BOLL: variants seen among roughly 807,000 people sequenced by gnomAD.
BOLL encodes the protein protein boule-like.
In BOLL, 23 loss-of-function variants were observed where a neutral mutation model predicts 44.4. The ratio of observed to expected loss-of-function variants is 0.52; its 90% confidence interval spans 0.37 to 0.73. The LOEUF (loss-of-function observed/expected upper bound fraction) is 0.73, where lower values mean the gene tolerates loss of function less well. BOLL is among the 30% of genes least tolerant of loss of function. The pLI, the probability that BOLL is intolerant of heterozygous loss-of-function variation, is 0.00. For synonymous variants in BOLL, 97 were observed against 110.8 expected (o/e 0.88, Z 0.78); for missense variants, 287 against 338.3 (o/e 0.85, Z 1.19).
At chr2:197,751,156 A>T (rs925507728) in intron 9 of BOLL, among the ~76,000 whole-genome samples, 5 of 152,204 alleles carry the variant, frequency 3.3e-5, no homozygotes, top group Non-Finnish European at 5.9e-5. Context: ...CACTGTTTAG[A>T]GAGAAATTTA....
chr2:197,747,400 G>A (rs1688035793), intron 9 of BOLL, among the ~76,000 whole-genome samples: 1 of 151,740 alleles, frequency 6.6e-6, no homozygotes, highest in Non-Finnish European at 1.5e-5. Context: ...TGGCTAACAC[G>A]GTGAAACCCC....
intron 10 of BOLL, among the ~76,000 whole-genome samples, chr2:197,731,061 G>C (rs1194265094): frequency 6.6e-6 from 1 of 152,020 alleles, no homozygotes; most frequent in Non-Finnish European, 1.5e-5. Flanking sequence ...GCTGTATTCA[G>C]GAAACCCACC....
chr2:197,785,984 G>A (rs753654719), upstream of BOLL: 10 of 1,609,548 alleles, frequency 6.2e-6, no homozygotes, highest in East Asian at 8.9e-5. The surrounding 1 kb of genome is among the most constrained non-coding windows in gnomAD (Gnocchi z 6.7). Context: ...CGTACTCACC[G>A]GCCCGGACTC....
intron 4 of BOLL, among the ~76,000 whole-genome samples, chr2:197,776,369 C>G (rs1465933516): frequency 6.6e-6 from 1 of 151,778 alleles, no homozygotes; most frequent in African/African-American, 2.4e-5. Flanking sequence ...GTTAATGAAC[C>G]AGTAATCTGT....
rs745623797 is a variant in BOLL, at chr2:197,781,759, A to G, written c.92T>C (p.Ile31Thr). ...PTSAPRYGTV[I>T]PNRIFVGGID... ...TCCTCCTACAAAGATGCGATTAGGG[A>G]TCACTGTTCCATATCTTGGGGCACT... The change falls in exon 2 of 11, where the codon ATC becomes ACC. Residue 31 changes from isoleucine (I) to threonine (T), a missense_variant. Ile to Thr is a moderately conservative substitution (Grantham distance 89, BLOSUM62 -1). Transcript: ENST00000392296. 6.3e-7 allele frequency: 1 copy of G among 1,587,546 alleles called. No individual in the cohort carries two copies. The highest frequency in any genetic ancestry group is 8.6e-7 in the Non-Finnish European group (1 of 1,162,380).
In BOLL at chr2:197,777,056, T is replaced by C; in HGVS notation, c.276+3A>G. 1 of 1,569,710 alleles carries C rather than the reference T, an allele frequency of 6.4e-7. No individual in the cohort carries two copies. The highest frequency in any genetic ancestry group is 8.7e-7 in the Non-Finnish European group (1 of 1,149,512). ...TGAAGTTAAATACACCAAAAGATCA[T>C]ACCTCTTGTAAAATTTTTTGTGCAT... On this transcript the variant is annotated splice_donor_region_variant and intron_variant, in intron 4 of 10. Coordinates refer to ENST00000392296, the MANE Select transcript of BOLL (RefSeq NM_033030.6).
chr2:197,731,987 CA>C (rs1257701978), intron 10 of BOLL, among the ~76,000 whole-genome samples: 1 of 149,616 alleles, frequency 6.7e-6, no homozygotes, highest in Non-Finnish European at 1.5e-5. Context: ...AATAGAGACA[CA>C]AAAAACCCTT....
chr2:197,759,092 C>T (rs1559406711), intron 7 of BOLL: 11 of 1,041,196 alleles, frequency 1.1e-5, no homozygotes, highest in Non-Finnish European at 1.5e-5. Flanking sequence ...CCCCACCCCG[C>T]CACAAGAAAA....
At chr2:197,756,407 T>A in intron 9 of BOLL, 21 bp downstream of exon 9, 2 of 1,542,320 alleles carry the variant, frequency 1.3e-6, no homozygotes, top group South Asian at 2.5e-5. Flanking sequence ...ATAGATCAAT[T>A]ACTTTAAGAC....
At chr2:197,753,270 A>G (rs566059889) in intron 9 of BOLL, among the ~76,000 whole-genome samples, 13 of 152,258 alleles carry the variant, frequency 8.5e-5, no homozygotes, top group Admixed American at 2.0e-4. Flanking sequence ...AATGGCAACA[A>G]AAGCCAAAAT....
rs907823159 is a variant in BOLL at position 197,727,253 on chromosome 2, A to G, written c.*1302T>C. 2 of 152,330 alleles carry G rather than the reference A, an allele frequency of 1.3e-5. No homozygotes were observed. The highest frequency in any genetic ancestry group is 2.9e-5 in the Non-Finnish European group (2 of 68,030). The allele number at this position is 152,330 out of a possible 1,614,324, so 9.4% of individuals were successfully genotyped here. A position where few individuals can be genotyped will look rare whatever the true frequency, so the allele number is the denominator to read the frequency against. On this transcript the variant is annotated 3_prime_UTR_variant, in exon 11 of 11. Coordinates refer to ENST00000392296, the MANE Select transcript of BOLL (RefSeq NM_033030.6). ...CTCACCAGAAAAACCTTTGTGATCT[A>G]TATCCTACTATTTCTGCTGCTGCTG...
At chr2:197,737,490 GCTGT>G (rs1007586062) in intron 10 of BOLL, among the ~76,000 whole-genome samples, 3 of 151,908 alleles carry the variant, frequency 2.0e-5, no homozygotes, top group Non-Finnish European at 4.4e-5. Flanking sequence ...AGAATCTGAG[GCTGT>G]CTATTGTTTG....
At chr2:197,746,805 CA>C in intron 9 of BOLL, among the ~76,000 whole-genome samples, 1 of 148,982 alleles carries the variant, frequency 6.7e-6, no homozygotes, top group Middle Eastern at 3.5e-3. Context: ...GAGGCTGGGA[CA>C]GGGGGATCGC....
upstream of BOLL, chr2:197,785,905 C>T: frequency 1.6e-6 from 2 of 1,256,824 alleles, no homozygotes; most frequent in Middle Eastern, 3.8e-4. This position sits in a 1 kb window ranked among gnomAD's most constrained non-coding sequence, Gnocchi z 6.7. Context: ...CTCGCCCCTC[C>T]AAGCCCTCAG....
At chr2:197,758,322 G>T (rs949226145) in intron 7 of BOLL, among the ~76,000 whole-genome samples, 2 of 152,146 alleles carry the variant, frequency 1.3e-5, no homozygotes, top group African/African-American at 4.8e-5. Context: ...TATTATTTGA[G>T]AACGAAGTAC....
In BOLL at chr2:197,785,193, C is replaced by G. The variant is rs1359426562; in HGVS notation, c.-153G>C. On this transcript the variant is annotated 5_prime_UTR_variant, in exon 1 of 11. Transcript: ENST00000392296. The surrounding 1 kb of genome is among the most constrained non-coding windows in gnomAD (Gnocchi z 6.7). ...TGGGCACCGAAACGAGGATCCACCC[C>G]CTCCCCACCAAAGTGCGGGAGGGAA... 1 of 986,000 alleles carries G rather than the reference C, an allele frequency of 1.0e-6. No homozygotes were observed. Among genetic ancestry groups the G allele is most frequent in the Non-Finnish European group, 1.2e-6 (1 of 829,940 alleles). 61.1% of individuals were successfully genotyped at this position (986,000 alleles called of 1,614,324 possible). A position where few individuals can be genotyped will look rare whatever the true frequency, so the allele number is the denominator to read the frequency against.
intron 10 of BOLL, among the ~76,000 whole-genome samples, chr2:197,735,157 A>C (rs1350812365): frequency 6.6e-6 from 1 of 151,912 alleles, no homozygotes; most frequent in Non-Finnish European, 1.5e-5. Flanking sequence ...AATGTGATCT[A>C]TTTTCTCTCT....
rs2106301539 is a variant in BOLL, at chr2:197,728,488, G to C, written c.*67C>G. 1 of 1,613,432 alleles carries C rather than the reference G, an allele frequency of 6.2e-7. No homozygotes were observed. Among genetic ancestry groups the C allele is most frequent in the African/African-American group, 1.3e-5 (1 of 75,040 alleles). On this transcript the variant is annotated 3_prime_UTR_variant, in exon 11 of 11. Transcript: ENST00000392296. The stretch of plus-strand genomic sequence containing the variant: ...GCTTCTAGCTGGTTCGTTGAAGCTG[G>C]ATCTCGGCCACGCAAGGATCATTGG...
chr2:197,743,908 T>C (rs1409224811), intron 9 of BOLL, among the ~76,000 whole-genome samples: 1 of 151,946 alleles, frequency 6.6e-6, no homozygotes, highest in African/African-American at 2.4e-5. Flanking sequence ...CCTCCCGGCT[T>C]CACACCATTC....
Sources: gnomAD v4.1 joint callset for allele counts (sites outside exome capture counted in the v4.1 genomes callset) on GRCh38, gnomAD v4.1.1 for gene constraint, Gnocchi (gnomAD v3.1) non-coding constraint, MANE v1.5 for transcripts, NCBI Gene and HGNC (gene_info 2026-07-23, HGNC 2026-07-21) for gene names.